KCNQ1: variants seen among roughly 807,000 people sequenced by gnomAD.
KCNQ1 encodes the protein potassium voltage-gated channel subfamily KQT member 1.
A neutral mutation model predicts 72.4 loss-of-function variants in KCNQ1; 49 were observed. The ratio of observed to expected loss-of-function variants is 0.68; its 90% confidence interval spans 0.54 to 0.86. The LOEUF is 0.86. Among genes scored for constraint, KCNQ1 ranks in the 40% least tolerant of loss-of-function variants. KCNQ1 has a pLI of 0.00. For missense variants in KCNQ1, 790 were observed against 945.1 expected (o/e 0.84, Z 2.15); for synonymous variants, 450 against 412.6 (o/e 1.09, Z -1.10).
At position 2,725,379 on chromosome 11, in the gene KCNQ1, G is replaced by A. The variant is rs1845740947; in HGVS notation, c.1515-43465G>A. ...GGATACTTAGTGGTTTGGCTTTCGG[G>A]TTCCTGCCTTCCAAAACAGGAGAGG... On this transcript the variant is annotated intron_variant, in intron 11 of 15. Coordinates refer to ENST00000155840, the MANE Select transcript of KCNQ1 (RefSeq NM_000218.3). This position sits in a 1 kb window ranked among gnomAD's most constrained non-coding sequence, Gnocchi z 7.2. Among the ~76,000 whole-genome samples the A allele has an allele frequency of 6.6e-6, 1 of 152,194 alleles. No homozygotes were observed. Among genetic ancestry groups the A allele is most frequent in the African/African-American group, 2.4e-5 (1 of 41,436 alleles).
rs1846543956 is a variant in KCNQ1, at chr11:2,768,919, G to A, written c.1590G>A (p.Gln530=). 6.2e-7 allele frequency: 1 copy of A among 1,613,102 alleles called. No individual in the cohort carries two copies. Among genetic ancestry groups the A allele is most frequent in the Non-Finnish European group, 8.5e-7 (1 of 1,179,256 alleles). The change falls in exon 12 of 16, where the codon CAG becomes CAA. Residue 530 remains glutamine (Q), a splice_region_variant and synonymous_variant. Coordinates refer to ENST00000155840, the MANE Select transcript of KCNQ1 (RefSeq NM_000218.3). The surrounding 1 kb of genome is among the most constrained non-coding windows in gnomAD (Gnocchi z 6.7). ...ACTTTGTGGCCAAGAAGAAATTCCA[G>A]GTAAGCCCTGTGCTGAGCCTTCCTG... ...MQYFVAKKKF[Q]QARKPYDVRD... is the part of the protein sequence containing the mutation.
chr11:2,451,588 C>G lies in KCNQ1; in HGVS notation c.386+6104C>G, dbSNP rs752506664. Among the ~76,000 whole-genome samples the G allele has an allele frequency of 6.6e-6, 1 of 152,290 alleles. No individual in the cohort carries two copies. Among genetic ancestry groups the G allele is most frequent in the Non-Finnish European group, 1.5e-5 (1 of 68,020 alleles). ...CCAGCAGAAAGGCTCCCAGGAGGGT[C>G]GTGGCTCCCTCATCGGCACCGGACT... On this transcript the variant is annotated intron_variant, in intron 1 of 15. Transcript: ENST00000155840. This position sits in a 1 kb window ranked among gnomAD's most constrained non-coding sequence, Gnocchi z 6.4.
At position 2,712,531 on chromosome 11, in the gene KCNQ1, C is replaced by A. The variant is rs1324969426; in HGVS notation, c.1514+50450C>A. 2.6e-5 allele frequency among the ~76,000 whole-genome samples: 4 copies of A among 151,840 alleles called. No individual in the cohort carries two copies. The highest frequency in any genetic ancestry group is 9.6e-5 in the African/African-American group (4 of 41,452). ...CCCACATATTCCCGAAGCCACCAGG[C>A]CAGACACCGCCCCAGCTGAATGCAT... On this transcript the variant is annotated intron_variant, in intron 11 of 15. Transcript: ENST00000155840. The surrounding 1 kb of genome is among the most constrained non-coding windows in gnomAD (Gnocchi z 6.4).
At chr11:2,688,187 G>A (rs1020354895) in intron 11 of KCNQ1, 16 of 398,680 alleles carry the variant, frequency 4.0e-5, no homozygotes, top group South Asian at 3.8e-4. Flanking sequence ...CCCAAGCAAG[G>A]GGGCAGGAGG....
chr11:2,603,141 A>G lies in KCNQ1; in HGVS notation c.1393+14287A>G, dbSNP rs1026993280. Reference sequence around the variant, plus strand: ...TGTGGTTCGGTTCCAGTACACTGCAATGAAGCAAATATTGCAATAAAGCAA... The same window carrying G: ...TGTGGTTCGGTTCCAGTACACTGCAGTGAAGCAAATATTGCAATAAAGCAA... On this transcript the variant is annotated intron_variant, in intron 10 of 15. Coordinates refer to ENST00000155840, the MANE Select transcript of KCNQ1 (RefSeq NM_000218.3). This position sits in a 1 kb window ranked among gnomAD's most constrained non-coding sequence, Gnocchi z 4.1. Among the ~76,000 whole-genome samples the G allele has an allele frequency of 2.0e-5, 3 of 152,254 alleles. No homozygotes were observed. The highest frequency in any genetic ancestry group is 4.4e-5 in the Non-Finnish European group (3 of 68,042).
rs774725539 is a variant in KCNQ1, at chr11:2,601,085, T to TAAA, written c.1393+12244_1393+12246dup. Among the ~76,000 whole-genome samples, 1,568 of 139,094 alleles carry TAAA rather than the reference T, an allele frequency of 0.011. 29 individuals are homozygous for TAAA. Among genetic ancestry groups the TAAA allele is most frequent in the African/African-American group, 0.038 (1,453 of 38,544 alleles). The allele number at this position is 139,094 out of a possible 152,430, so 91.3% of individuals were successfully genotyped here. A position where few individuals can be genotyped will look rare whatever the true frequency, so the allele number is the denominator to read the frequency against. On this transcript the variant is annotated intron_variant, in intron 10 of 15. Transcript: ENST00000155840. The surrounding 1 kb of genome is among the most constrained non-coding windows in gnomAD (Gnocchi z 5.2). ...GCCATGCATATACCCTGCTACTTGT[T>TAAA]AAAAAAAAAAAAAAAGTCTCTCCAG... is the stretch of plus-strand genomic sequence containing the variant.
chr11:2,701,162 G>A (rs1466487705), intron 11 of KCNQ1, among the ~76,000 whole-genome samples: 1 of 152,204 alleles, frequency 6.6e-6, no homozygotes, highest in Non-Finnish European at 1.5e-5. Flanking sequence ...TGCCTCTGCC[G>A]AAAATATACG....
Position 2,471,657 on chromosome 11 carries a change from GGT to G in KCNQ1, c.386+26179_386+26180del, listed in dbSNP as rs1214286992. ...ACGGATGTGTGTACACATGTGTATG[GGT>G]GTGTGCATGGGTGTGCACATGTGTA... On this transcript the variant is annotated intron_variant, in intron 1 of 15. Transcript: ENST00000155840. This position sits in a 1 kb window ranked among gnomAD's most constrained non-coding sequence, Gnocchi z 4.8. Among the ~76,000 whole-genome samples the G allele has an allele frequency of 6.6e-6, 1 of 151,118 alleles. No individual in the cohort carries two copies. Among genetic ancestry groups the G allele is most frequent in the Non-Finnish European group, 1.5e-5 (1 of 67,806 alleles).
chr11:2,744,077 C>G (rs754375740), intron 11 of KCNQ1, among the ~76,000 whole-genome samples: 1 of 152,234 alleles, frequency 6.6e-6, no homozygotes, highest in African/African-American at 2.4e-5. Context: ...ATTGCCGGTA[C>G]CCATGGTACC....
At position 2,488,268 on chromosome 11, in the gene KCNQ1, A is replaced by C. The variant is rs1392602171; in HGVS notation, c.387-39660A>C. Among the ~76,000 whole-genome samples the C allele has an allele frequency of 1.3e-5, 2 of 152,122 alleles. No individual in the cohort carries two copies. Among genetic ancestry groups the C allele is most frequent in the African/African-American group, 4.8e-5 (2 of 41,432 alleles). On this transcript the variant is annotated intron_variant, in intron 1 of 15. Coordinates refer to ENST00000155840, the MANE Select transcript of KCNQ1 (RefSeq NM_000218.3). This position sits in a 1 kb window ranked among gnomAD's most constrained non-coding sequence, Gnocchi z 5.1. ...ACTATGTTTCTGAACTCAGTTTGCTATTTTGTTGAGAATTTTGCATCAGTT... is the reference window on the plus strand; with the variant it reads ...ACTATGTTTCTGAACTCAGTTTGCTCTTTTGTTGAGAATTTTGCATCAGTT...
rs1434031681 is a variant in KCNQ1 at position 2,549,259 on chromosome 11, T to G, written c.477+21241T>G. Among the ~76,000 whole-genome samples the G allele has an allele frequency of 6.6e-6, 1 of 152,054 alleles. No individual in the cohort carries two copies. The highest frequency in any genetic ancestry group is 1.5e-5 in the Non-Finnish European group (1 of 67,972). On this transcript the variant is annotated intron_variant, in intron 2 of 15. Coordinates refer to ENST00000155840, the MANE Select transcript of KCNQ1 (RefSeq NM_000218.3). This position sits in a 1 kb window ranked among gnomAD's most constrained non-coding sequence, Gnocchi z 6.2. ...GCCAGTGCCACCAGGAGCCCACTGG[T>G]GCCAGGATGCTGGGGTGGGGCTATG...
chr11:2,520,482 G>A (rs1020642791), intron 1 of KCNQ1, among the ~76,000 whole-genome samples: 1 of 152,192 alleles, frequency 6.6e-6, no homozygotes, highest in Non-Finnish European at 1.5e-5. Context: ...CCCTGCTGAG[G>A]CTGCCTGCTG....
intron 2 of KCNQ1, among the ~76,000 whole-genome samples, chr11:2,552,404 G>C (rs1363917461): frequency 6.6e-6 from 1 of 152,130 alleles, no homozygotes; most frequent in African/African-American, 2.4e-5. Context: ...GTGTGGGTTC[G>C]ATTTCTGGAC....
intron 15 of KCNQ1, among the ~76,000 whole-genome samples, chr11:2,820,358 T>C (rs1847706135): frequency 6.6e-6 from 1 of 152,238 alleles, no homozygotes; most frequent in Non-Finnish European, 1.5e-5. Flanking sequence ...TCAAGATGTA[T>C]CCATCTGTTG....
intron 1 of KCNQ1, among the ~76,000 whole-genome samples, chr11:2,452,638 G>A (rs569336010): frequency 2.2e-4 from 34 of 152,340 alleles, no homozygotes; most frequent in African/African-American, 4.6e-4. Context: ...ATTCCGTGAC[G>A]TCTCCAGCTG....
rs1476699485 is a variant in KCNQ1 at position 2,617,245 on chromosome 11, C to T, written c.1393+28391C>T. 5 of 398,202 alleles carry T rather than the reference C, an allele frequency of 1.3e-5. No individual in the cohort carries two copies. Among genetic ancestry groups the T allele is most frequent in the Non-Finnish European group, 2.2e-5 (5 of 225,920 alleles). The allele number at this position is 398,202 out of a possible 1,614,324, so 24.7% of individuals were successfully genotyped here. A position where few individuals can be genotyped will look rare whatever the true frequency, so the allele number is the denominator to read the frequency against. ...TCCATTTTCTTCCCCCACACCTTGC[C>T]CATGGTAACCACTAGTTTATTCTAT... On this transcript the variant is annotated intron_variant, in intron 10 of 15. Transcript: ENST00000155840. The surrounding 1 kb of genome is among the most constrained non-coding windows in gnomAD (Gnocchi z 4.6).
chr11:2,684,712 G>A (rs1194454785), intron 11 of KCNQ1: 1 of 398,582 alleles, frequency 2.5e-6, no homozygotes, highest in Non-Finnish European at 4.4e-6. Context: ...AGGCGGAGGG[G>A]CCTGGAGAGA....
chr11:2,591,957 C>T (rs1251360066), intron 10 of KCNQ1, among the ~76,000 whole-genome samples: 1 of 152,208 alleles, frequency 6.6e-6, no homozygotes, highest in Non-Finnish European at 1.5e-5. Context: ...GATGCTGATC[C>T]CAGGGCAGAT....
chr11:2,842,592 G>C (rs1408043526), intron 15 of KCNQ1, among the ~76,000 whole-genome samples: 1 of 152,176 alleles, frequency 6.6e-6, no homozygotes, highest in Non-Finnish European at 1.5e-5. Flanking sequence ...GTGTGTACAA[G>C]GGTGCAGGGT....
Sources: gnomAD v4.1 joint callset for allele counts (sites outside exome capture counted in the v4.1 genomes callset) on GRCh38, gnomAD v4.1.1 for gene constraint, Gnocchi (gnomAD v3.1) non-coding constraint, MANE v1.5 for transcripts, NCBI Gene and HGNC (gene_info 2026-07-23, HGNC 2026-07-21) for gene names.